Variants in MAP2 observed in about 807,000 individuals in gnomAD.
MAP2 encodes microtubule associated protein 2.
A neutral mutation model predicts 137.6 loss-of-function variants in MAP2; 14 were observed. The ratio of observed to expected loss-of-function variants is 0.10; its 90% CI spans 0.07 to 0.16. The LOEUF is 0.16. MAP2 is among the 10% of genes least tolerant of loss of function. MAP2 has a pLI of 1.00. For missense variants in MAP2, 2,088 were observed against 2,191.5 expected (o/e 0.95, Z 0.94); for synonymous variants, 786 against 782.3 (o/e 1.00, Z -0.08).
At chr2:209,512,440 T>C (rs1237526561) in intron 2 of MAP2, among the ~76,000 whole-genome samples, 2 of 151,726 alleles carry the variant, frequency 1.3e-5, no homozygotes, top group Non-Finnish European at 2.9e-5. Flanking sequence ...TTTCTAGATT[T>C]TACATGTGTA....
At chr2:209,670,534 T>C (rs2048354118) in intron 5 of MAP2, among the ~76,000 whole-genome samples, 1 of 151,922 alleles carries the variant, frequency 6.6e-6, no homozygotes. Flanking sequence ...CTGATAATAG[T>C]ATTAATTTAC....
At chr2:209,663,269 G>A (rs1180312702) in intron 5 of MAP2, among the ~76,000 whole-genome samples, 1 of 152,118 alleles carries the variant, frequency 6.6e-6, no homozygotes, top group Non-Finnish European at 1.5e-5. Context: ...ACTGTCAGGG[G>A]AGTCTGGAAA....
chr2:209,656,190 G>A (rs1433807881), intron 5 of MAP2, among the ~76,000 whole-genome samples: 1 of 151,926 alleles, frequency 6.6e-6, no homozygotes, highest in East Asian at 1.9e-4. Context: ...GACACCAGAG[G>A]GTGGGAGAGT....
intron 2 of MAP2, among the ~76,000 whole-genome samples, chr2:209,531,793 G>A (rs2065148805): frequency 1.3e-5 from 2 of 152,078 alleles, no homozygotes; most frequent in African/African-American, 4.8e-5. Flanking sequence ...GGTACAAATG[G>A]TATTGGGCAT....
intron 1 of MAP2, among the ~76,000 whole-genome samples, chr2:209,502,959 T>C (rs2060562417): frequency 6.6e-6 from 1 of 151,970 alleles, no homozygotes; most frequent in South Asian, 2.1e-4. Context: ...CTTTGAGATA[T>C]TGTTTCATGT....
At chr2:209,479,841 T>G (rs1453694666) in intron 1 of MAP2, among the ~76,000 whole-genome samples, 1 of 152,178 alleles carries the variant, frequency 6.6e-6, no homozygotes, top group Non-Finnish European at 1.5e-5. Context: ...CCTTAGCAGA[T>G]ATAATAGCCG....
intron 1 of MAP2, among the ~76,000 whole-genome samples, chr2:209,463,521 A>G (rs1391810963): frequency 6.6e-6 from 1 of 152,172 alleles, no homozygotes; most frequent in Non-Finnish European, 1.5e-5. Context: ...GAATTTGTAA[A>G]AGTTGAAATC....
At chr2:209,620,009 T>C (rs2090657228) in intron 3 of MAP2, among the ~76,000 whole-genome samples, 1 of 152,142 alleles carries the variant, frequency 6.6e-6, no homozygotes, top group African/African-American at 2.4e-5. Context: ...TCCTGAAGGC[T>C]GTGAGTTGAG....
intron 5 of MAP2, among the ~76,000 whole-genome samples, chr2:209,673,618 A>G (rs1288676218): frequency 1.3e-5 from 2 of 151,886 alleles, no homozygotes; most frequent in Non-Finnish European, 2.9e-5. Context: ...CTTTCAAAAT[A>G]TCAGATTACA....
At chr2:209,459,743 C>T (rs959237690) in intron 1 of MAP2, among the ~76,000 whole-genome samples, 10 of 152,196 alleles carry the variant, frequency 6.6e-5, no homozygotes, top group Non-Finnish European at 1.5e-4. Context: ...GCCTACCAGG[C>T]CACCATGCAT....
At chr2:209,636,064 T>G (rs1464572520) in intron 4 of MAP2, among the ~76,000 whole-genome samples, 2 of 152,164 alleles carry the variant, frequency 1.3e-5, no homozygotes, top group Non-Finnish European at 2.9e-5. Flanking sequence ...TTTTTACTCT[T>G]TTCTTTTATC....
At position 209,678,601 on chromosome 2, in the gene MAP2, G is replaced by C. The variant is rs1466992263; in HGVS notation, c.292G>C (p.Val98Leu). ...GGTGTCTGCAAGGATAGTTCAAGTA[G>C]TCACTGCTGAGGCTGTAGCAGTCCT... Reference protein sequence around the residue: ...EEVSARIVQVVTAEAVAVLKG... With the variant: ...EEVSARIVQVLTAEAVAVLKG... Residue 98 changes from valine to leucine, a missense_variant, in exon 6 of 16, where the codon GTC becomes CTC. Val to Leu is a conservative substitution (Grantham distance 32). Transcript: ENST00000682079. The C allele has an allele frequency of 6.2e-7, 1 of 1,600,326 alleles. No individual in the cohort carries two copies. Among genetic ancestry groups the C allele is most frequent in the East Asian group, 2.3e-5 (1 of 44,264 alleles).
rs1056519999 is a variant in MAP2 at position 209,701,448 on chromosome 2, T to G, written c.4584+1110T>G. Among the ~76,000 whole-genome samples the G allele has an allele frequency of 1.5e-4, 23 of 151,956 alleles. 1 individual carries two copies. The highest frequency in any genetic ancestry group is 2.1e-4 in the Non-Finnish European group (14 of 67,914). ...TCCTTTATGATTGAAAGAAAAAAAT[T>G]AAAAGGCTACTAATGAAATCCTAAA... On this transcript the variant is annotated intron_variant, in intron 11 of 15. Coordinates refer to ENST00000682079, the MANE Select transcript of MAP2 (RefSeq NM_001375505.1).
At chr2:209,484,153 G>GA (rs941116611) in intron 1 of MAP2, among the ~76,000 whole-genome samples, 1 of 152,024 alleles carries the variant, frequency 6.6e-6, no homozygotes, top group Non-Finnish European at 1.5e-5. Flanking sequence ...ATTTGCATTT[G>GA]AAAAAAATGA....
intron 3 of MAP2, among the ~76,000 whole-genome samples, chr2:209,586,136 C>T (rs2153417897): frequency 1.3e-5 from 2 of 152,036 alleles, no homozygotes; most frequent in Middle Eastern, 6.8e-3. Flanking sequence ...CTTAAGGAGT[C>T]CGGAACTCAA....
Position 209,694,983 on chromosome 2 carries a change from A to T in MAP2, c.2813A>T (p.His938Leu). The T allele has an allele frequency of 6.2e-7, 1 of 1,614,214 alleles. No individual in the cohort carries two copies. The highest frequency in any genetic ancestry group is 8.5e-7 in the Non-Finnish European group (1 of 1,180,036). Residue 938 changes from histidine to leucine, a missense_variant, in exon 8 of 16, where the codon CAT becomes CTT. His to Leu is a moderately conservative substitution (Grantham distance 99). Transcript: ENST00000682079. ...AGTGTTGACAAAGAAGCATCCGCGC[A>T]TATCTCTGGTGACAAATCAGGACTG... ...EFSVDKEASA[H>L]ISGDKSGLSK...
chr2:209,674,471 A>G (rs1022934967), intron 5 of MAP2, among the ~76,000 whole-genome samples: 1 of 151,830 alleles, frequency 6.6e-6, no homozygotes, highest in African/African-American at 2.4e-5. Flanking sequence ...TCGAAGCAAA[A>G]TGAGACTGAA....
At chr2:209,450,098 C>T (rs1343644606) in intron 1 of MAP2, among the ~76,000 whole-genome samples, 4 of 152,074 alleles carry the variant, frequency 2.6e-5, no homozygotes, top group South Asian at 2.1e-4. Context: ...TGTACCACCA[C>T]GGCCAGCAAA....
At position 209,669,573 on chromosome 2, in the gene MAP2, T is replaced by G. The variant is rs141068360; in HGVS notation, c.263-8999T>G. ...CAAAAGTTTATTCCAATGACATCCT[T>G]TTAGAATGTAGAATTTTTTTCCATC... is the stretch of plus-strand genomic sequence containing the variant. On this transcript the variant is annotated intron_variant, in intron 5 of 15. Coordinates refer to ENST00000682079, the MANE Select transcript of MAP2 (RefSeq NM_001375505.1). Among the ~76,000 whole-genome samples, 1,254 of 152,134 alleles carry G rather than the reference T, an allele frequency of 8.2e-3. 15 individuals are homozygous for G. The highest frequency in any genetic ancestry group is 0.011 in the Non-Finnish European group (763 of 67,932).
Sources: gnomAD v4.1 joint callset for allele counts (sites outside exome capture counted in the v4.1 genomes callset) on GRCh38, gnomAD v4.1.1 for gene constraint, MANE v1.5 for transcripts, NCBI Gene and HGNC (gene_info 2026-07-23, HGNC 2026-07-21) for gene names.